The following SCD5 variants were observed in gnomAD, a reference collection of about 807,000 sequenced individuals.
SCD5 encodes acyl-CoA-desaturase 4.
SCD5 carries 20 observed loss-of-function variants against 30.4 expected under a neutral mutation model. The ratio of observed to expected loss-of-function variants is 0.66; its 90% CI spans 0.46 to 0.96. The LOEUF (loss-of-function observed/expected upper bound fraction) is 0.96, where lower values mean the gene tolerates loss of function less well. Among genes scored for constraint, SCD5 ranks in the 40% least tolerant of loss-of-function variants. The pLI is 0.00. For missense variants in SCD5, 381 were observed against 443.3 expected, an observed-to-expected ratio of 0.86 and a Z score of 1.26; for synonymous variants, 173 against 176.4, an observed-to-expected ratio of 0.98 and a Z score of 0.16.
intron 1 of SCD5, among the ~76,000 whole-genome samples, chr4:82,738,142 C>T (rs544041326): frequency 5.3e-4 from 80 of 152,270 alleles, no homozygotes; most frequent in African/African-American, 1.9e-3. Context: ...TTATCACGGC[C>T]GGGCCCAGTG....
chr4:82,658,654 T>TTG (rs1218680345), intron 3 of SCD5, among the ~76,000 whole-genome samples: 2 of 143,834 alleles, frequency 1.4e-5, no homozygotes, highest in African/African-American at 5.3e-5. Context: ...TTTTTTTTTT[T>TTG]TTGTATTTTA....
chr4:82,639,724 G>C (rs1279344616), intron 3 of SCD5, among the ~76,000 whole-genome samples: 3 of 152,206 alleles, frequency 2.0e-5, no homozygotes, highest in Non-Finnish European at 4.4e-5. Context: ...CAGAGCCTTG[G>C]CTCTGCTACT....
intron 1 of SCD5, among the ~76,000 whole-genome samples, chr4:82,751,537 CT>C (rs1382594316): frequency 6.6e-6 from 1 of 152,122 alleles, no homozygotes; most frequent in Non-Finnish European, 1.5e-5. Flanking sequence ...GGTAAGGTCC[CT>C]ATATATGCTG....
intron 1 of SCD5, among the ~76,000 whole-genome samples, chr4:82,752,003 A>G (rs748741584): frequency 5.3e-5 from 8 of 152,254 alleles, no homozygotes; most frequent in Non-Finnish European, 8.8e-5. Flanking sequence ...GAATTTCTAA[A>G]AATAGAACAG....
intron 1 of SCD5, among the ~76,000 whole-genome samples, chr4:82,725,966 G>A (rs1213811512): frequency 6.6e-6 from 1 of 152,196 alleles, no homozygotes; most frequent in Non-Finnish European, 1.5e-5. Flanking sequence ...GGTGAGTCAT[G>A]GAACCTAAGT....
At chr4:82,700,988 C>G (rs537134845) in intron 2 of SCD5, among the ~76,000 whole-genome samples, 2 of 152,158 alleles carry the variant, frequency 1.3e-5, no homozygotes, top group Admixed American at 1.3e-4. Context: ...TATTCTTAAT[C>G]TAACACATAA....
At chr4:82,758,359 G>A (rs1721274396) in intron 1 of SCD5, among the ~76,000 whole-genome samples, 1 of 152,084 alleles carries the variant, frequency 6.6e-6, no homozygotes, top group Non-Finnish European at 1.5e-5. Context: ...CAGATACTTG[G>A]GAGGCAGGAG....
chr4:82,788,788 G>A (rs978739722), intron 1 of SCD5, among the ~76,000 whole-genome samples: 21 of 152,194 alleles, frequency 1.4e-4, no homozygotes, highest in Admixed American at 9.2e-4. Context: ...GGGAGGGGCA[G>A]CCTCTTTCTC....
chr4:82,633,455 A>C (rs570693478), intron 4 of SCD5, among the ~76,000 whole-genome samples: 7 of 152,340 alleles, frequency 4.6e-5, no homozygotes, highest in African/African-American at 1.7e-4. Context: ...GAGTATAGAT[A>C]TCTCTTCAAC....
intron 3 of SCD5, among the ~76,000 whole-genome samples, chr4:82,673,123 C>T (rs1433980655): frequency 6.6e-6 from 1 of 152,012 alleles, no homozygotes; most frequent in African/African-American, 2.4e-5. Context: ...CAAGGATGTA[C>T]CCTCTTATCA....
chr4:82,762,623 A>G (rs1721401180), intron 1 of SCD5, among the ~76,000 whole-genome samples: 1 of 152,174 alleles, frequency 6.6e-6, no homozygotes, highest in Admixed American at 6.5e-5. Flanking sequence ...TCCACGTTAG[A>G]TAAAAACAAA....
chr4:82,629,639 C>G lies in SCD5; in HGVS notation c.*1688G>C, dbSNP rs979373091. 1.3e-5 allele frequency: 2 copies of G among 152,226 alleles called. No homozygotes were observed. Among genetic ancestry groups the G allele is most frequent in the Non-Finnish European group, 2.9e-5 (2 of 68,042 alleles). The allele number at this position is 152,226 out of a possible 1,614,324, so 9.4% of individuals were successfully genotyped here. A position where few individuals can be genotyped will look rare whatever the true frequency, so the allele number is the denominator to read the frequency against. On this transcript the variant is annotated 3_prime_UTR_variant, in exon 5 of 5. Transcript: ENST00000319540. ...TACTGGATGAAGAACTTCATTGTGA[C>G]TATTTCCAATTGCCATCATATCTTT... is the stretch of plus-strand genomic sequence containing the variant.
chr4:82,647,865 G>A (rs567070048), intron 3 of SCD5, among the ~76,000 whole-genome samples: 17 of 152,296 alleles, frequency 1.1e-4, no homozygotes, highest in African/African-American at 3.9e-4. Context: ...GATAGTAAGA[G>A]GAGTAGAAAA....
intron 1 of SCD5, among the ~76,000 whole-genome samples, chr4:82,708,888 C>T (rs1414863489): frequency 6.6e-6 from 1 of 152,014 alleles, no homozygotes; most frequent in East Asian, 1.9e-4. Context: ...ATCTGTATCT[C>T]TATAGCATCA....
intron 2 of SCD5, among the ~76,000 whole-genome samples, chr4:82,699,580 T>G (rs1302327366): frequency 3.3e-5 from 5 of 149,576 alleles, no homozygotes; most frequent in Non-Finnish European, 5.9e-5. Context: ...GTTTTTTTTT[T>G]TTTTTGAGAC....
intron 1 of SCD5, among the ~76,000 whole-genome samples, chr4:82,766,753 A>G (rs550438030): frequency 5.0e-4 from 76 of 152,216 alleles, no homozygotes; most frequent in Non-Finnish European, 1.0e-3. Context: ...AGTTACTTGG[A>G]AATAGTTTGA....
At chr4:82,772,677 G>C (rs1578062157) in intron 1 of SCD5, among the ~76,000 whole-genome samples, 1 of 152,162 alleles carries the variant, frequency 6.6e-6, no homozygotes, top group African/African-American at 2.4e-5. Context: ...GAGGCAGAAA[G>C]GTTCCCCGTG....
At chr4:82,697,550 T>G (rs576964951) in intron 2 of SCD5, among the ~76,000 whole-genome samples, 17 of 152,318 alleles carry the variant, frequency 1.1e-4, no homozygotes, top group African/African-American at 4.1e-4. Flanking sequence ...CTTAGATGAT[T>G]TCTCTCATCT....
intron 3 of SCD5, among the ~76,000 whole-genome samples, chr4:82,677,748 C>T (rs1004803543): frequency 1.3e-5 from 2 of 152,182 alleles, no homozygotes; most frequent in African/African-American, 2.4e-5. Context: ...AAAGTATAAT[C>T]ACAAGAACAT....
Sources: allele counts gnomAD v4.1 joint callset (sites outside exome capture counted in the v4.1 genomes callset), GRCh38; gene constraint gnomAD v4.1.1; transcripts MANE v1.5; gene names NCBI Gene and HGNC (gene_info 2026-07-23, HGNC 2026-07-21).